The following LARP4B variants were observed in gnomAD, a reference collection of about 807,000 sequenced individuals.
LARP4B encodes La ribonucleoprotein 4B, also known as la-related protein 4B.
A neutral mutation model predicts 89.8 loss-of-function variants in LARP4B; 12 were observed. That is an observed-to-expected ratio of 0.13 (90% CI 0.09 to 0.22). The LOEUF (loss-of-function observed/expected upper bound fraction) is 0.22, where lower values mean the gene tolerates loss of function less well. Among genes scored for constraint, LARP4B ranks in the 10% least tolerant of loss-of-function variants. The probability of loss-of-function intolerance (pLI) is 1.00; values close to 1 mark genes in which losing one functional copy is unlikely to be tolerated. For synonymous variants in LARP4B, 367 were observed against 363.3 expected, an observed-to-expected ratio of 1.01 and a Z score of -0.12; for missense variants, 757 against 947.7, an observed-to-expected ratio of 0.80 and a Z score of 2.64.
At chr10:844,894 T>C in intron 6 of LARP4B, 83 bp downstream of exon 6, 1 of 1,016,430 alleles carries the variant, frequency 9.8e-7, no homozygotes, top group Non-Finnish European at 1.5e-6. Flanking sequence ...TACTCCTTCA[T>C]AAAATATCAC....
the LARP4B span, among the ~76,000 whole-genome samples, chr10:980,387 A>G: frequency 5.3e-5 from 8 of 152,146 alleles, no homozygotes; most frequent in Non-Finnish European, 1.0e-4. Flanking sequence ...CCAACCTCAC[A>G]TTTCCCCTTG....
chr10:863,622 A>G (rs945702320), intron 5 of LARP4B, 121 bp downstream of exon 5: 21 of 1,108,418 alleles, frequency 1.9e-5, no homozygotes, highest in African/African-American at 1.4e-4. Context: ...GTGAGTTTAA[A>G]GTAGAATTAA....
At chr10:979,540 A>G in the LARP4B span, among the ~76,000 whole-genome samples, 3,130 of 152,250 alleles carry the variant, frequency 0.021, 113 homozygotes, top group African/African-American at 0.071. Context: ...GCCCTTCTAC[A>G]TGGTTTTAGC....
At chr10:932,364 C>G (rs1217284752), upstream of LARP4B, among the ~76,000 whole-genome samples, 3 of 142,482 alleles carry the variant, frequency 2.1e-5, no homozygotes, top group African/African-American at 5.2e-5. Flanking sequence ...ACCCCACACC[C>G]GGGACCAAGG....
At chr10:986,726 G>A in the LARP4B span, 1 of 152,196 alleles carries the variant, frequency 6.6e-6, no homozygotes, top group African/African-American at 2.4e-5. Context: ...GATCACTTGA[G>A]GTCAGGGTTT....
intron 3 of LARP4B, among the ~76,000 whole-genome samples, chr10:879,988 G>A (rs1419011393): frequency 2.0e-5 from 3 of 150,020 alleles, no homozygotes; most frequent in Non-Finnish European, 4.4e-5. Context: ...TGGTCAGGCT[G>A]GTCTCGAACT....
At chr10:951,977 A>G in the LARP4B span, among the ~76,000 whole-genome samples, 1 of 151,560 alleles carries the variant, frequency 6.6e-6, no homozygotes, top group East Asian at 2.0e-4. Flanking sequence ...CCAACTGCAT[A>G]ACATACAACC....
intron 1 of LARP4B, among the ~76,000 whole-genome samples, chr10:918,349 C>CACATGCCTGTAATCCCAGTGCTTTTGA (rs1564445945): frequency 6.6e-6 from 1 of 152,170 alleles, no homozygotes; most frequent in Non-Finnish European, 1.5e-5. Flanking sequence ...GAGTTTCAGA[C>CACATGCCTGTAATCCCAGTGCTTTTGA]AGGCCGGGGA....
chr10:957,800 C>CTTTTTTTTTTT, the LARP4B span, among the ~76,000 whole-genome samples: 3 of 125,082 alleles, frequency 2.4e-5, no homozygotes, highest in Non-Finnish European at 3.3e-5. Flanking sequence ...CATTTTCTTT[C>CTTTTTTTTTTT]TTTTTTTTTT....
In LARP4B at chr10:851,961, G is replaced by A. The variant is rs577181842; in HGVS notation, c.431-6906C>T. Among the ~76,000 whole-genome samples, 5 of 152,270 alleles carry A rather than the reference G, an allele frequency of 3.3e-5. No homozygotes were observed. In the South Asian group the frequency reaches 8.3e-4, roughly 25 times the overall value. On this transcript the variant is annotated intron_variant, in intron 5 of 17. Transcript: ENST00000316157. ...TGCTACTGTAGTCCCAGCTACTTGG[G>A]AGGCTAAGGCGGGAGAATCGCCTGA...
At chr10:838,333 C>A (rs924788743) in intron 7 of LARP4B, among the ~76,000 whole-genome samples, 4 of 152,044 alleles carry the variant, frequency 2.6e-5, no homozygotes, top group Non-Finnish European at 4.4e-5. Flanking sequence ...GGATGAGAAG[C>A]CATTGACTGA....
rs1049880298 is a variant in LARP4B, at chr10:810,737, G to T, written c.*2189C>A. On this transcript the variant is annotated 3_prime_UTR_variant, in exon 18 of 18. Transcript: ENST00000316157. ...GCCCAGGCCTCGAGGTTGCCTCCCA[G>T]CTTTCTGAGTATTGAGAGTTTGGGT... is the stretch of plus-strand genomic sequence containing the variant. 6 of 151,804 alleles carry T rather than the reference G, an allele frequency of 4.0e-5. No individual in the cohort carries two copies. The highest frequency in any genetic ancestry group is 1.5e-4 in the African/African-American group (6 of 41,302). 9.4% of individuals were successfully genotyped at this position (151,804 alleles called of 1,614,324 possible). A position where few individuals can be genotyped will look rare whatever the true frequency, so the allele number is the denominator to read the frequency against.
chr10:907,446 G>A (rs1476816625), intron 1 of LARP4B, among the ~76,000 whole-genome samples: 1 of 152,144 alleles, frequency 6.6e-6, no homozygotes, highest in Non-Finnish European at 1.5e-5. Context: ...TTATTCTCTA[G>A]ACTTTGTATA....
chr10:885,599 A>G, intron 2 of LARP4B, 42 bp downstream of exon 2: 1 of 1,494,796 alleles, frequency 6.7e-7, no homozygotes. Context: ...CTTTATCAAA[A>G]AAAGCAATGG....
At chr10:884,339 A>G in intron 3 of LARP4B, 108 bp downstream of exon 3, 1 of 829,740 alleles carries the variant, frequency 1.2e-6, no homozygotes. Flanking sequence ...TTTTTGAGAA[A>G]TATCTACATT....
intron 5 of LARP4B, among the ~76,000 whole-genome samples, chr10:855,516 T>C (rs1382970847): frequency 6.6e-6 from 1 of 152,078 alleles, no homozygotes; most frequent in Admixed American, 6.6e-5. Flanking sequence ...AGCCAGTTAG[T>C]GGAGCAGTCA....
At chr10:890,795 C>T (rs545172163) in intron 1 of LARP4B, among the ~76,000 whole-genome samples, 11 of 152,012 alleles carry the variant, frequency 7.2e-5, no homozygotes, top group Admixed American at 2.0e-4. Flanking sequence ...AAGTAACACA[C>T]GAGGGGAGTA....
At chr10:830,276 T>C (rs116145908) in intron 9 of LARP4B, among the ~76,000 whole-genome samples, 1,841 of 152,266 alleles carry the variant, frequency 0.012, 34 homozygotes, top group African/African-American at 0.042. Context: ...CACACTCCAC[T>C]CCACAAAAAT....
intron 3 of LARP4B, among the ~76,000 whole-genome samples, chr10:883,202 AT>A (rs1477926129): frequency 6.6e-6 from 1 of 152,232 alleles, no homozygotes; most frequent in African/African-American, 2.4e-5. Flanking sequence ...AGCGTCTTAT[AT>A]TTGGATATTT....
Sources: allele counts gnomAD v4.1 joint callset (sites outside exome capture counted in the v4.1 genomes callset), GRCh38; gene constraint gnomAD v4.1.1; transcripts MANE v1.5; gene names NCBI Gene and HGNC (gene_info 2026-07-23, HGNC 2026-07-21).